The following VSTM2A variants were observed in gnomAD, a reference collection of about 807,000 sequenced individuals.
The protein encoded by VSTM2A is V-set and transmembrane domain containing 2A, also known as V-set and transmembrane domain-containing protein 2A.
Under a neutral mutation model 27.3 loss-of-function variants are expected in VSTM2A, and 13 were observed. That is an observed-to-expected ratio of 0.48 (90% CI 0.31 to 0.76). The LOEUF is 0.76. VSTM2A is among the 30% of genes least tolerant of loss of function. The pLI, the probability that VSTM2A is intolerant of heterozygous loss-of-function variation, is 0.05. For missense variants in VSTM2A, 280 were observed against 310.0 expected (o/e 0.90, Z 0.73); for synonymous variants, 142 against 125.7 (o/e 1.13, Z -0.87).
intron 4 of VSTM2A, 73 bp downstream of exon 4, chr7:54,550,243 T>C (rs748053188): frequency 5.2e-6 from 8 of 1,540,018 alleles, no homozygotes; most frequent in Non-Finnish European, 6.1e-6. Flanking sequence ...TCGTATAGAG[T>C]AGACAGATTT....
In VSTM2A at chr7:54,547,013, G is replaced by T; in HGVS notation, c.297+16G>T. The T allele has an allele frequency of 6.4e-7, 1 of 1,572,468 alleles. No homozygotes were observed. Among genetic ancestry groups the T allele is most frequent in the Non-Finnish European group, 8.6e-7 (1 of 1,162,006 alleles). ...CAAGATCAGCGTGAGTGCGGGGCGC[G>T]CCAAGGGCCGCGGGCCCAGGCTCGG... is the stretch of plus-strand genomic sequence containing the variant. On this transcript the variant is annotated intron_variant, in intron 3 of 4. Coordinates refer to ENST00000402613, the MANE Select transcript of VSTM2A (RefSeq NM_001301009.2).
intron 4 of VSTM2A, among the ~76,000 whole-genome samples, chr7:54,556,463 G>A (rs143403526): frequency 9.9e-4 from 151 of 152,254 alleles, no homozygotes; most frequent in African/African-American, 3.5e-3. Context: ...GTCTTTGCAG[G>A]GAGAGTGCTT....
chr7:54,555,164 G>A (rs756277817), intron 4 of VSTM2A, among the ~76,000 whole-genome samples: 8 of 152,162 alleles, frequency 5.3e-5, no homozygotes, highest in South Asian at 2.1e-4. Flanking sequence ...GAGAAGCTGC[G>A]TCTTTTCTGT....
At chr7:54,555,819 A>G (rs141658059) in intron 4 of VSTM2A, among the ~76,000 whole-genome samples, 3 of 152,150 alleles carry the variant, frequency 2.0e-5, no homozygotes, top group African/African-American at 7.2e-5. Context: ...TAATTTTACC[A>G]CTACTCTAGA....
chr7:54,544,179 A>G (rs1345452476), intron 1 of VSTM2A, among the ~76,000 whole-genome samples: 2 of 152,232 alleles, frequency 1.3e-5, no homozygotes, highest in Non-Finnish European at 2.9e-5. Context: ...ACAGATAATC[A>G]TGATCTACTC....
chr7:54,549,568 G>A (rs1445548787), intron 3 of VSTM2A, among the ~76,000 whole-genome samples: 1 of 152,212 alleles, frequency 6.6e-6, no homozygotes, highest in African/African-American at 2.4e-5. Context: ...CTACTGGCAT[G>A]TAGACAATGG....
In VSTM2A at chr7:54,549,895, A is replaced by G; in HGVS notation, c.359A>G (p.Lys120Arg). Residue 120 changes from lysine to arginine, a missense_variant, in exon 4 of 5, where the codon AAG becomes AGG. Transcript: ENST00000402613. ...HKLQISKVRK[K>R]DEGLYECRVT... ...CTTCAGATTTCCAAAGTGAGGAAAA[A>G]GGATGAAGGCTTATATGAGTGCAGG... The G allele has an allele frequency of 6.2e-7, 1 of 1,612,114 alleles. No individual in the cohort carries two copies. Among genetic ancestry groups the G allele is most frequent in the East Asian group, 2.2e-5 (1 of 44,840 alleles).
chr7:54,545,553 G>A (rs1206510235), intron 2 of VSTM2A, among the ~76,000 whole-genome samples: 20 of 94,836 alleles, frequency 2.1e-4, no homozygotes, highest in East Asian at 3.7e-4. Context: ...AGTGGGGAGG[G>A]GAGAAGAAGA....
chr7:54,542,925 G>A lies in VSTM2A; in HGVS notation c.79+116G>A, dbSNP rs114643472. The A allele has an allele frequency of 1.6e-3, 1,557 of 965,176 alleles. 28 individuals carry two copies. In the African/African-American group the frequency reaches 0.022, roughly 14 times the overall value. 59.8% of individuals were successfully genotyped at this position (965,176 alleles called of 1,614,324 possible). A position where few individuals can be genotyped will look rare whatever the true frequency, so the allele number is the denominator to read the frequency against. ...TTCCTAGCAAGTAACAGTGGGCTTA[G>A]GCTGTATAAATAGTGTTCTGTTTGA... is the stretch of plus-strand genomic sequence containing the variant. On this transcript the variant is annotated intron_variant, in intron 1 of 4. Coordinates refer to ENST00000402613, the MANE Select transcript of VSTM2A (RefSeq NM_001301009.2).
chr7:54,570,275 T>C lies in VSTM2A; in HGVS notation c.*1056T>C, dbSNP rs2115967974. The C allele has an allele frequency of 6.6e-6, 1 of 152,298 alleles. No individual in the cohort carries two copies. The highest frequency in any genetic ancestry group is 6.5e-5 in the Admixed American group (1 of 15,298). The allele number at this position is 152,298 out of a possible 1,614,324, so 9.4% of individuals were successfully genotyped here. Reference sequence around the variant, plus strand: ...TATTTCTGTATTATTATCATTATAATCTTGTCAAATAGAAATGTTGCTTCT... The same window carrying C: ...TATTTCTGTATTATTATCATTATAACCTTGTCAAATAGAAATGTTGCTTCT... On this transcript the variant is annotated 3_prime_UTR_variant, in exon 5 of 5. Transcript: ENST00000402613.
chr7:54,551,435 T>C (rs1788189544), intron 4 of VSTM2A: 1 of 152,198 alleles, frequency 6.6e-6, no homozygotes, highest in African/African-American at 2.4e-5. Flanking sequence ...GCAACTCTCC[T>C]GGCATGCCTT....
At chr7:54,561,985 C>T (rs1388652019) in intron 4 of VSTM2A, among the ~76,000 whole-genome samples, 5 of 151,954 alleles carry the variant, frequency 3.3e-5, no homozygotes, top group Admixed American at 6.5e-5. Flanking sequence ...AGTGCAGTGG[C>T]GTGATCTCGG....
intron 4 of VSTM2A, among the ~76,000 whole-genome samples, chr7:54,564,641 C>T (rs575261867): frequency 3.4e-4 from 51 of 152,192 alleles, no homozygotes; most frequent in Non-Finnish European, 6.0e-4. Context: ...AGCTCTGGTT[C>T]TCATTCTCTC....
chr7:54,559,200 T>A (rs1414283130), intron 4 of VSTM2A: 2 of 152,120 alleles, frequency 1.3e-5, no homozygotes, highest in African/African-American at 4.8e-5. Flanking sequence ...TAATATTGAA[T>A]CCTCAATAGT....
intron 3 of VSTM2A, among the ~76,000 whole-genome samples, chr7:54,548,893 T>G (rs2115803629): frequency 6.6e-6 from 1 of 151,922 alleles, no homozygotes; most frequent in South Asian, 2.1e-4. Context: ...CTTTTCTGTA[T>G]CTTTCAAAAT....
intron 4 of VSTM2A, among the ~76,000 whole-genome samples, chr7:54,555,943 A>C (rs1788342002): frequency 6.6e-6 from 1 of 152,198 alleles, no homozygotes; most frequent in Non-Finnish European, 1.5e-5. Flanking sequence ...CCCAGTGCCT[A>C]CTGAATCAGC....
chr7:54,544,397 C>A (rs1337468375), intron 1 of VSTM2A, among the ~76,000 whole-genome samples: 2 of 152,158 alleles, frequency 1.3e-5, no homozygotes, highest in African/African-American at 4.8e-5. Context: ...GTTAACCTTT[C>A]CATTATCTGG....
chr7:54,561,839 G>A (rs1584064189), intron 4 of VSTM2A, among the ~76,000 whole-genome samples: 1 of 152,220 alleles, frequency 6.6e-6, no homozygotes, highest in East Asian at 1.9e-4. Flanking sequence ...GCTTTTGTAG[G>A]TCCTATTGAC....
rs527433962 is a variant in VSTM2A at position 54,564,432 on chromosome 7, A to G, written c.635-4699A>G. On this transcript the variant is annotated intron_variant, in intron 4 of 4. Transcript: ENST00000402613. ...CAGAACGATGCCCTGAAAATGCTGAATGTGCCCCCTATCTAAGCCAACTAA... is the reference window on the plus strand; with the variant it reads ...CAGAACGATGCCCTGAAAATGCTGAGTGTGCCCCCTATCTAAGCCAACTAA... 4.6e-5 allele frequency among the ~76,000 whole-genome samples: 7 copies of G among 152,346 alleles called. No homozygotes were observed. In the South Asian group the frequency reaches 8.3e-4, roughly 18 times the overall value.
Sources: gnomAD v4.1 joint callset for allele counts (sites outside exome capture counted in the v4.1 genomes callset) on GRCh38, gnomAD v4.1.1 for gene constraint, MANE v1.5 for transcripts, NCBI Gene and HGNC (gene_info 2026-07-23, HGNC 2026-07-21) for gene names.